The following DLGAP1 variants were observed in gnomAD, a reference collection of about 807,000 sequenced individuals.
DLGAP1 encodes the protein disks large-associated protein 1.
Under a neutral mutation model 90.8 loss-of-function variants are expected in DLGAP1, and 11 were observed. The ratio of observed to expected loss-of-function variants is 0.12; its 90% CI spans 0.08 to 0.20. The LOEUF (loss-of-function observed/expected upper bound fraction) is 0.20, where lower values mean the gene tolerates loss of function less well. DLGAP1 is among the 10% of genes least tolerant of loss of function. The pLI, the probability that DLGAP1 is intolerant of heterozygous loss-of-function variation, is 1.00. For synonymous variants in DLGAP1, 558 were observed against 540.7 expected, an observed-to-expected ratio of 1.03 and a Z score of -0.44; for missense variants, 1,050 against 1,333.8, an observed-to-expected ratio of 0.79 and a Z score of 3.31.
intron 3 of DLGAP1, among the ~76,000 whole-genome samples, chr18:3,987,968 G>C (rs981759091): frequency 2.0e-5 from 3 of 151,960 alleles, no homozygotes; most frequent in Non-Finnish European, 4.4e-5. Flanking sequence ...GGATGGTTTC[G>C]GGATGATTCA....
intron 2 of DLGAP1, among the ~76,000 whole-genome samples, chr18:4,137,945 T>A (rs1345329374): frequency 2.0e-5 from 3 of 152,152 alleles, no homozygotes; most frequent in Non-Finnish European, 4.4e-5. Flanking sequence ...ATGCTACGGA[T>A]TTTTTATGTT....
At position 3,879,163 on chromosome 18, in the gene DLGAP1, G is replaced by C. The variant is rs267605183; in HGVS notation, c.906C>G (p.Ala302=). 1 of 1,515,012 alleles carries C rather than the reference G, an allele frequency of 6.6e-7. No homozygotes were observed. 93.8% of individuals were successfully genotyped at this position (1,515,012 alleles called of 1,614,324 possible). Residue 302 remains alanine (A), a synonymous_variant, in exon 4 of 13, where the codon GCC becomes GCG. Coordinates refer to ENST00000315677, the MANE Select transcript of DLGAP1 (RefSeq NM_004746.4). This position sits in a 1 kb window ranked among gnomAD's most constrained non-coding sequence, Gnocchi z 6.6. ...YQKASVNMDQ[A]MVKSESCQQE... is the part of the protein sequence containing the mutation. Reference sequence around the variant, plus strand: ...GCTGACACGACTCGGACTTCACCATGGCCTGGTCCATGTTCACCGAGGCCT... The same window carrying C: ...GCTGACACGACTCGGACTTCACCATCGCCTGGTCCATGTTCACCGAGGCCT...
intron 2 of DLGAP1, among the ~76,000 whole-genome samples, chr18:4,122,448 G>T (rs553011923): frequency 1.3e-5 from 2 of 152,140 alleles, no homozygotes; most frequent in Non-Finnish European, 2.9e-5. Context: ...ATTTTGAGGG[G>T]GTGATGCGGG....
intron 3 of DLGAP1, among the ~76,000 whole-genome samples, chr18:3,919,818 T>G (rs2072226716): frequency 6.6e-6 from 1 of 152,164 alleles, no homozygotes; most frequent in Admixed American, 6.5e-5. Flanking sequence ...AGCTAGTAAG[T>G]GACAAAGCCA....
chr18:3,611,151 CT>C (rs905054350), intron 7 of DLGAP1, among the ~76,000 whole-genome samples: 8 of 151,656 alleles, frequency 5.3e-5, no homozygotes, highest in East Asian at 1.9e-4. Context: ...AAAGTGTATA[CT>C]TTTTTTTCCT....
chr18:4,150,303 C>T (rs891072013), intron 2 of DLGAP1, among the ~76,000 whole-genome samples: 2 of 152,180 alleles, frequency 1.3e-5, no homozygotes, highest in Admixed American at 1.3e-4. Context: ...TGGTAAGACC[C>T]TTCTTTTTTT....
At chr18:4,056,161 C>G (rs2143185789) in intron 2 of DLGAP1, among the ~76,000 whole-genome samples, 1 of 152,148 alleles carries the variant, frequency 6.6e-6, no homozygotes, top group South Asian at 2.1e-4. Context: ...CAGGAGAAGG[C>G]CGTGGAGCCT....
At chr18:4,376,933 T>C (rs1215179323) in intron 1 of DLGAP1, among the ~76,000 whole-genome samples, 2 of 152,184 alleles carry the variant, frequency 1.3e-5, no homozygotes, top group Non-Finnish European at 2.9e-5. Context: ...GTTATCTAGA[T>C]TACTTAAAGA....
intron 1 of DLGAP1, among the ~76,000 whole-genome samples, chr18:4,200,169 T>A (rs989252798): frequency 6.6e-6 from 1 of 152,188 alleles, no homozygotes; most frequent in East Asian, 1.9e-4. Context: ...ATTTCTAATG[T>A]AATTTGGAGA....
intron 7 of DLGAP1, among the ~76,000 whole-genome samples, chr18:3,658,712 G>GC (rs1180396004): frequency 6.6e-6 from 1 of 152,136 alleles, no homozygotes; most frequent in Non-Finnish European, 1.5e-5. Flanking sequence ...GACTTATTAA[G>GC]CAATGACCTC....
intron 1 of DLGAP1, among the ~76,000 whole-genome samples, chr18:4,232,313 G>A (rs2078316380): frequency 6.6e-6 from 1 of 152,062 alleles, no homozygotes; most frequent in African/African-American, 2.4e-5. Flanking sequence ...AGCTTAACTT[G>A]AATTTAAATG....
intron 7 of DLGAP1, among the ~76,000 whole-genome samples, chr18:3,710,602 C>G (rs1438099979): frequency 6.6e-6 from 1 of 152,214 alleles, no homozygotes; most frequent in Non-Finnish European, 1.5e-5. Flanking sequence ...ATAGATGTCA[C>G]TGTTCTAAGA....
chr18:3,768,147 C>T (rs945933736), intron 5 of DLGAP1, among the ~76,000 whole-genome samples: 1 of 152,118 alleles, frequency 6.6e-6, no homozygotes, highest in African/African-American at 2.4e-5. Context: ...AGTTGTATTT[C>T]TCTATGTAGT....
At chr18:4,431,747 G>A (rs2083288770) in intron 1 of DLGAP1, among the ~76,000 whole-genome samples, 1 of 152,098 alleles carries the variant, frequency 6.6e-6, no homozygotes, top group Non-Finnish European at 1.5e-5. Flanking sequence ...TGAGATTACT[G>A]GTAATGATCA....
intron 5 of DLGAP1, among the ~76,000 whole-genome samples, chr18:3,798,862 T>C (rs1267423354): frequency 6.6e-6 from 1 of 152,078 alleles, no homozygotes; most frequent in Non-Finnish European, 1.5e-5. Context: ...ATGGCCTCAA[T>C]AGACTTTTTT....
At chr18:4,411,867 T>C (rs1003685174) in intron 1 of DLGAP1, among the ~76,000 whole-genome samples, 2 of 152,162 alleles carry the variant, frequency 1.3e-5, no homozygotes, top group African/African-American at 4.8e-5. Flanking sequence ...AGTCCTTTAA[T>C]GGGCTTGGAA....
At chr18:4,213,502 C>A (rs2077889728) in intron 1 of DLGAP1, among the ~76,000 whole-genome samples, 1 of 152,168 alleles carries the variant, frequency 6.6e-6, no homozygotes, top group Non-Finnish European at 1.5e-5. Flanking sequence ...GGTCTCTGGG[C>A]AGATATGGTG....
At chr18:3,787,310 C>T (rs1196457094) in intron 5 of DLGAP1, among the ~76,000 whole-genome samples, 2 of 151,630 alleles carry the variant, frequency 1.3e-5, no homozygotes, top group Admixed American at 6.6e-5. Context: ...GGTGAAACCC[C>T]GTCTCTACTA....
intron 1 of DLGAP1, among the ~76,000 whole-genome samples, chr18:4,322,549 A>G: frequency 6.6e-6 from 1 of 152,142 alleles, no homozygotes; most frequent in Non-Finnish European, 1.5e-5. Flanking sequence ...CTGCTAGAAG[A>G]AAACATAGGG....
Sources: gnomAD v4.1 joint callset for allele counts (sites outside exome capture counted in the v4.1 genomes callset) on GRCh38, gnomAD v4.1.1 for gene constraint, Gnocchi (gnomAD v3.1) non-coding constraint, MANE v1.5 for transcripts, NCBI Gene and HGNC (gene_info 2026-07-23, HGNC 2026-07-21) for gene names.